The following ANK2 variants were observed in gnomAD, a reference collection of about 807,000 sequenced individuals.
ANK2 encodes ankyrin 2.
In ANK2, 83 loss-of-function variants were observed where a neutral mutation model predicts 360.5. That is an observed-to-expected ratio of 0.23 (90% CI 0.19 to 0.28). The LOEUF (loss-of-function observed/expected upper bound fraction) is 0.28, where lower values mean the gene tolerates loss of function less well. ANK2 is among the 10% of genes least tolerant of loss of function. ANK2 has a pLI of 1.00. For synonymous variants in ANK2, 1,740 were observed against 1,759.5 expected, an observed-to-expected ratio of 0.99 and a Z score of 0.28; for missense variants, 4,201 against 4,795.7, an observed-to-expected ratio of 0.88 and a Z score of 3.66.
At chr4:112,838,332 A>G (rs2061413290) in intron 1 of ANK2, among the ~76,000 whole-genome samples, 1 of 152,316 alleles carries the variant, frequency 6.6e-6, no homozygotes, top group Admixed American at 6.5e-5. Context: ...TTTTTTATTT[A>G]TAAATTATCC....
chr4:112,839,555 G>C (rs888431750), intron 1 of ANK2, among the ~76,000 whole-genome samples: 1 of 152,176 alleles, frequency 6.6e-6, no homozygotes, highest in South Asian at 2.1e-4. Flanking sequence ...ATGTATTAAG[G>C]TGTGGTTTGG....
chr4:113,089,456 C>T (rs1158868798), intron 1 of ANK2, among the ~76,000 whole-genome samples: 1 of 152,096 alleles, frequency 6.6e-6, no homozygotes, highest in Non-Finnish European at 1.5e-5. Flanking sequence ...AAATAGAGCC[C>T]TTTATAATCT....
chr4:112,757,205 C>T, the ANK2 span, among the ~76,000 whole-genome samples: 1 of 151,192 alleles, frequency 6.6e-6, no homozygotes, highest in East Asian at 2.0e-4. Context: ...CTCCGCTTCC[C>T]GGGTTTGAGT....
intron 1 of ANK2, among the ~76,000 whole-genome samples, chr4:113,121,004 A>G (rs1311838920): frequency 1.3e-5 from 2 of 152,304 alleles, no homozygotes; most frequent in Admixed American, 6.5e-5. Flanking sequence ...TATGACTTAA[A>G]AGGCAAATGT....
chr4:112,842,542 A>G (rs2062342151), intron 1 of ANK2, among the ~76,000 whole-genome samples: 1 of 152,210 alleles, frequency 6.6e-6, no homozygotes, highest in African/African-American at 2.4e-5. Flanking sequence ...TTGTTCCACC[A>G]CAGATCATCA....
the ANK2 span, among the ~76,000 whole-genome samples, chr4:112,746,813 G>A: frequency 6.6e-6 from 1 of 152,144 alleles, no homozygotes; most frequent in Non-Finnish European, 1.5e-5. Flanking sequence ...GCTGGATGAA[G>A]CTTATTAAAA....
At chr4:112,833,419 C>T (rs2060240391) in intron 1 of ANK2, among the ~76,000 whole-genome samples, 2 of 152,184 alleles carry the variant, frequency 1.3e-5, no homozygotes, top group African/African-American at 4.8e-5. Flanking sequence ...AGTGACTACT[C>T]TCATTTACAC....
intron 41 of ANK2, among the ~76,000 whole-genome samples, chr4:113,365,593 A>G (rs1183458232): frequency 6.6e-6 from 1 of 151,810 alleles, no homozygotes; most frequent in African/African-American, 2.4e-5. Context: ...GGGGACCTCC[A>G]GCCATTGGCC....
At chr4:112,957,347 A>G (rs1276173418) in intron 2 of ANK2, among the ~76,000 whole-genome samples, 3 of 152,262 alleles carry the variant, frequency 2.0e-5, no homozygotes, top group African/African-American at 4.8e-5. Flanking sequence ...TCACAGATCA[A>G]CAGGATCACA....
chr4:113,028,169 G>A (rs1201377252), intron 2 of ANK2, among the ~76,000 whole-genome samples: 1 of 151,944 alleles, frequency 6.6e-6, no homozygotes, highest in African/African-American at 2.4e-5. Context: ...GCAATAGAGT[G>A]CAGCAAGTGC....
intron 2 of ANK2, among the ~76,000 whole-genome samples, chr4:113,037,347 T>C (rs2061830904): frequency 6.6e-6 from 1 of 152,040 alleles, no homozygotes; most frequent in African/African-American, 2.4e-5. Context: ...ATTAATATTC[T>C]GAGTCTCAAC....
Position 113,053,723 on chromosome 4 carries a change from A to G in ANK2, c.84+3911A>G, listed in dbSNP as rs77731234. On this transcript the variant is annotated intron_variant, in intron 1 of 45. Coordinates refer to ENST00000357077, the MANE Select transcript of ANK2 (RefSeq NM_001148.6). ...ATCTTCCTGCCTCAGCCTCCCTTGT[A>G]GCTGGGACTGCAGGCATGTGCCACC... 6.6e-5 allele frequency among the ~76,000 whole-genome samples: 10 copies of G among 152,064 alleles called. No individual in the cohort carries two copies. In the East Asian group the frequency reaches 1.9e-3, roughly 29 times the overall value.
the ANK2 span, among the ~76,000 whole-genome samples, chr4:112,776,813 A>G: frequency 1.3e-5 from 2 of 152,182 alleles, no homozygotes; most frequent in African/African-American, 2.4e-5. Context: ...AGGGAAAGAG[A>G]GAATGCTGTG....
intron 23 of ANK2, among the ~76,000 whole-genome samples, chr4:113,305,339 C>CAAAAA (rs10667489): frequency 0.012 from 1,135 of 95,144 alleles, 47 homozygotes; most frequent in African/African-American, 0.033. Flanking sequence ...GACTCCGTCT[C>CAAAAA]AAAAAAAAAA....
intron 23 of ANK2, among the ~76,000 whole-genome samples, chr4:113,310,921 C>T (rs1012575659): frequency 6.6e-6 from 1 of 152,152 alleles, no homozygotes; most frequent in Non-Finnish European, 1.5e-5. Flanking sequence ...CTAAAGCAGA[C>T]TATGCCTGTG....
At chr4:112,870,196 G>C (rs1156616490) in intron 1 of ANK2, among the ~76,000 whole-genome samples, 2 of 151,352 alleles carry the variant, frequency 1.3e-5, no homozygotes, top group Non-Finnish European at 2.9e-5. Context: ...GCTTCACTAT[G>C]TTAGCCAGAC....
At chr4:113,263,496 T>G (rs1176635631) in intron 13 of ANK2, among the ~76,000 whole-genome samples, 1 of 152,192 alleles carries the variant, frequency 6.6e-6, no homozygotes, top group African/African-American at 2.4e-5. Context: ...GCTTTCACAA[T>G]CAAATCATTT....
At chr4:113,223,536 CT>C in intron 4 of ANK2, among the ~76,000 whole-genome samples, 1 of 152,196 alleles carries the variant, frequency 6.6e-6, no homozygotes, top group East Asian at 1.9e-4. Context: ...AGATTTAGAG[CT>C]GTAGATTTTA....
chr4:113,336,393 T>C, intron 30 of ANK2, 184 bp from the exon 31 acceptor site: 1 of 636,994 alleles, frequency 1.6e-6, no homozygotes, highest in Non-Finnish European at 2.6e-6. Context: ...TCGTGGATCT[T>C]ACAAAATTTT....
Sources: gnomAD v4.1 joint callset for allele counts (sites outside exome capture counted in the v4.1 genomes callset) on GRCh38, gnomAD v4.1.1 for gene constraint, MANE v1.5 for transcripts, NCBI Gene and HGNC (gene_info 2026-07-23, HGNC 2026-07-21) for gene names.